CD109: variants seen among roughly 807,000 people sequenced by gnomAD.
The protein encoded by CD109 is CD109 antigen.
A neutral mutation model predicts 165.8 loss-of-function variants in CD109; 149 were observed. That is an observed-to-expected ratio of 0.90 (90% CI 0.79 to 1.03). CD109 has a LOEUF of 1.03. Among genes scored for constraint, CD109 ranks in the 50% least tolerant of loss-of-function variants. The pLI, the probability that CD109 is intolerant of heterozygous loss-of-function variation, is 0.00. For synonymous variants in CD109, 585 were observed against 592.1 expected (o/e 0.99, Z 0.18); for missense variants, 1,712 against 1,677.8 (o/e 1.02, Z -0.36).
chr6:73,692,449 C>T (rs1208658747), upstream of CD109, among the ~76,000 whole-genome samples: 1 of 152,106 alleles, frequency 6.6e-6, no homozygotes, highest in Non-Finnish European at 1.5e-5. Flanking sequence ...GGAAACTTGG[C>T]ATATCCAGGT....
chr6:73,791,192 CATAT>C (rs58117133), intron 22 of CD109, among the ~76,000 whole-genome samples: 37,052 of 68,794 alleles, frequency 0.54, 11,261 homozygotes, highest in Non-Finnish European at 0.61. Flanking sequence ...CACACACATA[CATAT>C]ATATATATAT....
intron 15 of CD109, among the ~76,000 whole-genome samples, chr6:73,776,573 T>C (rs1348115231): frequency 6.8e-6 from 1 of 146,056 alleles, no homozygotes; most frequent in Non-Finnish European, 1.5e-5. Flanking sequence ...TTTTTTTTTT[T>C]TTTTGACAGA....
At chr6:73,712,120 G>T (rs2150157051) in intron 2 of CD109, among the ~76,000 whole-genome samples, 1 of 152,274 alleles carries the variant, frequency 6.6e-6, no homozygotes, top group South Asian at 2.1e-4. Flanking sequence ...GAGGCAGGAG[G>T]ATTGCTTGAA....
intron 2 of CD109, among the ~76,000 whole-genome samples, chr6:73,707,960 CTTTATA>C (rs1771348403): frequency 9.4e-6 from 1 of 106,378 alleles, no homozygotes; most frequent in African/African-American, 4.0e-5. Context: ...AAATTGTTAT[CTTTATA>C]TATATATATA....
intron 19 of CD109, among the ~76,000 whole-genome samples, chr6:73,785,069 G>T (rs1378265795): frequency 6.6e-6 from 1 of 152,168 alleles, no homozygotes; most frequent in Admixed American, 6.5e-5. Context: ...TAAACTAGGA[G>T]ACTAACAGTA....
In CD109 at chr6:73,823,601, A is replaced by G; in HGVS notation, c.4306A>G (p.Lys1436Glu). The part of the protein sequence containing the change: ...HSSVIFIFCF[K>E]LLYFMELWL ...TTCAGTCATTTTTATTTTCTGTTTC[A>G]AGCTTCTGTACTTTATGGAACTTTG... The change falls in exon 33 of 33, where the codon AAG becomes GAG. Residue 1436 changes from lysine to glutamate, a missense_variant. By Grantham distance (56) the Lys-to-Glu change is moderately conservative. Coordinates refer to ENST00000287097, the MANE Select transcript of CD109 (RefSeq NM_133493.5). The G allele has an allele frequency of 1.2e-6, 2 of 1,613,268 alleles. No homozygotes were observed. The highest frequency in any genetic ancestry group is 1.1e-5 in the South Asian group (1 of 91,012).
intron 2 of CD109, among the ~76,000 whole-genome samples, chr6:73,709,174 T>C (rs1771426300): frequency 1.3e-5 from 2 of 152,206 alleles, no homozygotes; most frequent in African/African-American, 4.8e-5. Context: ...AATTAATTTT[T>C]GTATAAGGTG....
Position 73,788,594 on chromosome 6 carries a change from G to A in CD109, c.2683G>A (p.Val895Ile), listed in dbSNP as rs779122186. ...TAATACAGTGACTGGCAGTGAAAGA[G>A]TTCAGATCACTGCAATTGGTAAGAA... Reference protein sequence around the residue: ...PPNTVTGSERVQITAIGDVLG... With the variant: ...PPNTVTGSERIQITAIGDVLG... Residue 895 changes from valine (V) to isoleucine (I), a missense_variant, in exon 22 of 33, where the codon GTT becomes ATT. Coordinates refer to ENST00000287097, the MANE Select transcript of CD109 (RefSeq NM_133493.5). 6.2e-7 allele frequency: 1 copy of A among 1,612,820 alleles called. No homozygotes were observed. The highest frequency in any genetic ancestry group is 8.5e-7 in the Non-Finnish European group (1 of 1,179,560).
intron 22 of CD109, among the ~76,000 whole-genome samples, chr6:73,790,904 A>T (rs1774903584): frequency 6.6e-6 from 1 of 151,928 alleles, no homozygotes; most frequent in African/African-American, 2.4e-5. Flanking sequence ...GACACACAAA[A>T]TTAACCCTCA....
rs373485830 is a variant in CD109 at position 73,782,710 on chromosome 6, G to A, written c.2060G>A (p.Arg687Gln). 2.2e-5 allele frequency: 36 copies of A among 1,613,954 alleles called. No individual in the cohort carries two copies. Among genetic ancestry groups the A allele is most frequent in the East Asian group, 4.5e-5 (2 of 44,862 alleles). Residue 687 changes from arginine (R) to glutamine (Q), a missense_variant, in exon 18 of 33, where the codon CGA becomes CAA. Arg to Gln is a conservative substitution (Grantham distance 43, BLOSUM62 1). Transcript: ENST00000287097. ...DFSLGSSPHV[R>Q]KHFPETWIWL... ...TCTTTGGGTAGCAGTCCACATGTCC[G>A]AAAGCATTTTCCAGAGACTTGGATT... is the stretch of plus-strand genomic sequence containing the variant.
intron 32 of CD109, among the ~76,000 whole-genome samples, chr6:73,821,043 C>G (rs559758184): frequency 6.6e-6 from 1 of 152,142 alleles, no homozygotes; most frequent in East Asian, 1.9e-4. Context: ...CCATTCTCAG[C>G]AAACTATCGC....
chr6:73,744,069 C>T (rs1485239197), intron 5 of CD109, among the ~76,000 whole-genome samples: 1 of 152,160 alleles, frequency 6.6e-6, no homozygotes, highest in Non-Finnish European at 1.5e-5. Flanking sequence ...GTAAAATTTA[C>T]CATTTTAACA....
intron 3 of CD109, among the ~76,000 whole-genome samples, chr6:73,726,851 TC>T (rs1772157336): frequency 6.6e-6 from 1 of 152,200 alleles, no homozygotes; most frequent in Non-Finnish European, 1.5e-5. Flanking sequence ...TGTCCTGCTT[TC>T]AGACAGCCTC....
chr6:73,729,888 C>T (rs918309698), intron 3 of CD109, among the ~76,000 whole-genome samples: 1 of 152,106 alleles, frequency 6.6e-6, no homozygotes, highest in Non-Finnish European at 1.5e-5. Context: ...CACATATGCG[C>T]AAGATGCATT....
intron 5 of CD109, among the ~76,000 whole-genome samples, chr6:73,755,426 T>C (rs1247662311): frequency 6.6e-6 from 1 of 152,248 alleles, no homozygotes; most frequent in East Asian, 1.9e-4. Flanking sequence ...ATTTGTTTTA[T>C]ATTTTGAAGT....
At position 73,783,825 on chromosome 6, in the gene CD109, G is replaced by A. The variant is rs774784808; in HGVS notation, c.2223+1G>A. ...TGGACTAACAACTACTCCAGTGGAG[G>A]TATTGTATTAAAGAGCTGCTTATCA... On this transcript the variant is annotated splice_donor_variant, in intron 19 of 32. Transcript: ENST00000287097. LOFTEE classifies it high-confidence loss of function. 6.6e-7 allele frequency: 1 copy of A among 1,525,274 alleles called. No individual in the cohort carries two copies. The highest frequency in any genetic ancestry group is 1.7e-5 in the Admixed American group (1 of 58,756). The allele number at this position is 1,525,274 out of a possible 1,614,324, so 94.5% of individuals were successfully genotyped here. A position where few individuals can be genotyped will look rare whatever the true frequency, so the allele number is the denominator to read the frequency against.
intron 5 of CD109, among the ~76,000 whole-genome samples, chr6:73,743,052 ATTTATTC>A (rs1353062062): frequency 6.6e-6 from 1 of 152,122 alleles, no homozygotes; most frequent in Non-Finnish European, 1.5e-5. Flanking sequence ...AGGCCATCTG[ATTTATTC>A]TTTGAATTCC....
chr6:73,814,355 G>A (rs941134949), intron 29 of CD109, among the ~76,000 whole-genome samples: 11 of 152,090 alleles, frequency 7.2e-5, no homozygotes, highest in African/African-American at 2.7e-4. Flanking sequence ...ACATTCCTAA[G>A]CTTCTGATTT....
rs1774598602 is a variant in CD109 at position 73,783,947 on chromosome 6, C to CT, written c.2223+126dup. On this transcript the variant is annotated intron_variant, in intron 19 of 32. Transcript: ENST00000287097. ...TTATCACAGTTTAGAGATTCCTTGGCTTTGTCTTTTGGTTTTTATCTGTTT... is the reference window on the plus strand; with the variant it reads ...TTATCACAGTTTAGAGATTCCTTGGCTTTTGTCTTTTGGTTTTTATCTGTTT... 2.2e-5 allele frequency: 13 copies of CT among 598,812 alleles called. No individual in the cohort carries two copies. The East Asian group carries it at 3.6e-4, about 17-fold the overall frequency. The allele number at this position is 598,812 out of a possible 1,614,324, so 37.1% of individuals were successfully genotyped here.
Sources: gnomAD v4.1 joint callset for allele counts (sites outside exome capture counted in the v4.1 genomes callset) on GRCh38, gnomAD v4.1.1 for gene constraint, MANE v1.5 for transcripts, NCBI Gene and HGNC (gene_info 2026-07-23, HGNC 2026-07-21) for gene names.